Variants in GABRB3 observed in about 807,000 individuals in gnomAD.
GABRB3 encodes the protein gamma-aminobutyric acid receptor subunit beta-3.
In GABRB3, 14 loss-of-function variants were observed where a neutral mutation model predicts 52.1. The ratio of observed to expected loss-of-function variants is 0.27; its 90% CI spans 0.18 to 0.42. The LOEUF is 0.42. Among genes scored for constraint, GABRB3 ranks in the 10% least tolerant of loss-of-function variants. GABRB3 has a pLI of 1.00. For missense variants in GABRB3, 307 were observed against 609.1 expected (o/e 0.50, Z 5.22); for synonymous variants, 260 against 232.3 (o/e 1.12, Z -1.08).
chr15:26,724,832 T>C (rs1187671395), intron 3 of GABRB3, among the ~76,000 whole-genome samples: 1 of 152,170 alleles, frequency 6.6e-6, no homozygotes, highest in Non-Finnish European at 1.5e-5. Flanking sequence ...CTTGTTCCCT[T>C]TGCCCCCCCT....
At chr15:26,659,571 G>A (rs1328756137) in intron 3 of GABRB3, among the ~76,000 whole-genome samples, 12 of 152,150 alleles carry the variant, frequency 7.9e-5, no homozygotes, top group Admixed American at 7.9e-4. Context: ...TAAGTATCAT[G>A]ATGATGGCAA....
chr15:26,676,162 G>C (rs146428613), intron 3 of GABRB3, among the ~76,000 whole-genome samples: 1 of 152,310 alleles, frequency 6.6e-6, no homozygotes, highest in Non-Finnish European at 1.5e-5. Flanking sequence ...AAGTTCCTGA[G>C]TTGTTAAGCA....
rs1889956852 is a variant in GABRB3 at position 26,560,919 on chromosome 15, G to A, written c.1080+13C>T. 6.2e-7 allele frequency: 1 copy of A among 1,613,424 alleles called. No homozygotes were observed. Among genetic ancestry groups the A allele is most frequent in the Non-Finnish European group, 8.5e-7 (1 of 1,179,992 alleles). ...GCAGGGACCAGGTGGGGTCAAGGTGGTGGAGAGCCTACCCGGTTGCTTTCG... is the reference window on the plus strand; with the variant it reads ...GCAGGGACCAGGTGGGGTCAAGGTGATGGAGAGCCTACCCGGTTGCTTTCG... On this transcript the variant is annotated intron_variant, in intron 8 of 8. Transcript: ENST00000311550.
intron 3 of GABRB3, among the ~76,000 whole-genome samples, chr15:26,669,933 G>A (rs1887835286): frequency 6.6e-6 from 1 of 152,182 alleles, no homozygotes; most frequent in African/African-American, 2.4e-5. Context: ...GCATTCTCCT[G>A]ATGCCGTGCA....
At chr15:26,617,751 T>C (rs1349106986) in intron 4 of GABRB3, among the ~76,000 whole-genome samples, 1 of 152,152 alleles carries the variant, frequency 6.6e-6, no homozygotes, top group East Asian at 1.9e-4. Context: ...GACATGATTA[T>C]ATATCTAGAA....
At chr15:26,726,582 T>C (rs567892706) in intron 3 of GABRB3, among the ~76,000 whole-genome samples, 18 of 152,318 alleles carry the variant, frequency 1.2e-4, no homozygotes, top group African/African-American at 4.3e-4. Flanking sequence ...TCCTATAGAA[T>C]GTCTGCAATT....
chr15:26,652,803 C>A (rs554698270), intron 3 of GABRB3, among the ~76,000 whole-genome samples: 3 of 152,084 alleles, frequency 2.0e-5, no homozygotes. Flanking sequence ...TGTTTATTCA[C>A]GCTGATTTAT....
rs558336153 is a variant in GABRB3, at chr15:26,586,704, A to AAAAAAAAG, written c.462-3291_462-3290insCTTTTTTT. ...TCCATCTCAAAAAAAAAAAAAAAAA[A>AAAAAAAAG]AGAGAGAGAGAGAAAGCGAAGAAGG... On this transcript the variant is annotated intron_variant, in intron 4 of 8. Transcript: ENST00000311550. Among the ~76,000 whole-genome samples the AAAAAAAAG allele has an allele frequency of 3.0e-3, 306 of 102,264 alleles. 8 individuals are homozygous for AAAAAAAAG. The highest frequency in any genetic ancestry group is 0.016 in the East Asian group (40 of 2,468). The allele number at this position is 102,264 out of a possible 152,430, so 67.1% of individuals were successfully genotyped here.
chr15:26,586,201 G>A (rs567626301), intron 4 of GABRB3, among the ~76,000 whole-genome samples: 39 of 151,998 alleles, frequency 2.6e-4, no homozygotes, highest in East Asian at 1.2e-3. Context: ...GGGTTTCACC[G>A]TGTTAGCCAG....
intron 3 of GABRB3, among the ~76,000 whole-genome samples, chr15:26,682,633 T>G (rs1294138016): frequency 6.6e-6 from 1 of 152,198 alleles, no homozygotes. Context: ...GCAGGGTGAC[T>G]TGGAGTAGAG....
intron 3 of GABRB3, among the ~76,000 whole-genome samples, chr15:26,677,457 A>G (rs935700815): frequency 6.6e-6 from 1 of 152,144 alleles, no homozygotes; most frequent in Non-Finnish European, 1.5e-5. Context: ...ACAGGAAGCC[A>G]AGGGCTCTGG....
At chr15:26,613,191 T>A (rs994061470) in intron 4 of GABRB3, 3 of 152,580 alleles carry the variant, frequency 2.0e-5, no homozygotes, top group Non-Finnish European at 4.4e-5. Context: ...GGCGGGCAGA[T>A]CACGGGGTCA....
intron 3 of GABRB3, among the ~76,000 whole-genome samples, chr15:26,677,318 A>T (rs1405775365): frequency 3.9e-5 from 6 of 152,216 alleles, no homozygotes; most frequent in Admixed American, 6.5e-5. Context: ...AAATGCAAAT[A>T]TCCATAGAAG....
chr15:26,747,152 C>T (rs1890369164), intron 3 of GABRB3, among the ~76,000 whole-genome samples: 2 of 152,220 alleles, frequency 1.3e-5, no homozygotes, highest in South Asian at 2.1e-4. Context: ...CTGGGATTCT[C>T]CTCAAATCAG....
At chr15:26,623,471 A>ACT (rs1246134798) in intron 3 of GABRB3, among the ~76,000 whole-genome samples, 1 of 151,950 alleles carries the variant, frequency 6.6e-6, no homozygotes, top group African/African-American at 2.4e-5. Context: ...ACGGCTAGCA[A>ACT]CTCTCCTAGG....
chr15:26,630,594 G>A (rs1312903173), intron 3 of GABRB3, among the ~76,000 whole-genome samples: 1 of 152,146 alleles, frequency 6.6e-6, no homozygotes, highest in Non-Finnish European at 1.5e-5. Context: ...AAAACAAAGG[G>A]TCTTTCTTAA....
chr15:26,544,207 A>G lies in GABRB3; in HGVS notation c.*3586T>C, dbSNP rs1404488944. 6.6e-6 allele frequency: 1 copy of G among 152,648 alleles called. No homozygotes were observed. Among genetic ancestry groups the G allele is most frequent in the Non-Finnish European group, 1.5e-5 (1 of 68,044 alleles). 9.5% of individuals were successfully genotyped at this position (152,648 alleles called of 1,614,324 possible). ...TTTATACTTTCAAGCCAGGAGATTC[A>G]AAGTTGGACACATTCTTGTTAGAAT... is the stretch of plus-strand genomic sequence containing the variant. On this transcript the variant is annotated 3_prime_UTR_variant, in exon 9 of 9. Coordinates refer to ENST00000311550, the MANE Select transcript of GABRB3 (RefSeq NM_000814.6).
chr15:26,620,461 T>C (rs1225282114), intron 4 of GABRB3, among the ~76,000 whole-genome samples: 2 of 152,216 alleles, frequency 1.3e-5, no homozygotes, highest in East Asian at 1.9e-4. Context: ...CACTTTCAGA[T>C]ACATCTTTTC....
At chr15:26,717,651 CT>C (rs1322195278) in intron 3 of GABRB3, among the ~76,000 whole-genome samples, 6 of 152,194 alleles carry the variant, frequency 3.9e-5, no homozygotes, top group Non-Finnish European at 5.9e-5. Context: ...CTCTCTCCCC[CT>C]GGCTCCCTCC....
Sources: allele counts gnomAD v4.1 joint callset (sites outside exome capture counted in the v4.1 genomes callset), GRCh38; gene constraint gnomAD v4.1.1; transcripts MANE v1.5; gene names NCBI Gene and HGNC (gene_info 2026-07-23, HGNC 2026-07-21).